Variants in AGAP1 observed in about 807,000 individuals in gnomAD.
AGAP1 encodes the protein arf-GAP with GTPase, ANK repeat and PH domain-containing protein 1.
Under a neutral mutation model 105.3 loss-of-function variants are expected in AGAP1, and 29 were observed. The observed-to-expected ratio is 0.28, with a 90% CI of 0.21 to 0.38. The LOEUF (loss-of-function observed/expected upper bound fraction) is 0.38, where lower values mean the gene tolerates loss of function less well. Among genes scored for constraint, AGAP1 ranks in the 10% least tolerant of loss-of-function variants. The pLI is 1.00. For synonymous variants in AGAP1, 509 were observed against 485.9 expected, an observed-to-expected ratio of 1.05 and a Z score of -0.63; for missense variants, 998 against 1,165.1, an observed-to-expected ratio of 0.86 and a Z score of 2.09.
At position 235,751,881 on chromosome 2, in the gene AGAP1, T is replaced by A. The variant is rs1390883647; in HGVS notation, c.673+1393T>A. 6.6e-6 allele frequency among the ~76,000 whole-genome samples: 1 copy of A among 152,194 alleles called. No individual in the cohort carries two copies. The highest frequency in any genetic ancestry group is 2.4e-5 in the African/African-American group (1 of 41,464). ...AAAGTCGCTGGGGTCCCACAGCCCC[T>A]TCTTCCCTCCACTAACGTATATCTC... On this transcript the variant is annotated intron_variant, in intron 6 of 17. Coordinates refer to ENST00000304032, the MANE Select transcript of AGAP1 (RefSeq NM_001037131.3). The surrounding 1 kb of genome is among the most constrained non-coding windows in gnomAD (Gnocchi z 5.3).
In AGAP1 at chr2:235,631,935, G is replaced by T. The variant is rs549991457; in HGVS notation, c.164-77244G>T. ...TGCTTTTTCCATCTGTTACCTGCATGCATATATGATGGCTGGCCACCATCT... is the reference window on the plus strand; with the variant it reads ...TGCTTTTTCCATCTGTTACCTGCATTCATATATGATGGCTGGCCACCATCT... On this transcript the variant is annotated intron_variant, in intron 1 of 17. Transcript: ENST00000304032. The surrounding 1 kb of genome is among the most constrained non-coding windows in gnomAD (Gnocchi z 5.4). 1.3e-5 allele frequency among the ~76,000 whole-genome samples: 2 copies of T among 152,316 alleles called. No individual in the cohort carries two copies. The highest frequency in any genetic ancestry group is 3.9e-4 in the East Asian group (2 of 5,180).
At position 235,989,440 on chromosome 2, in the gene AGAP1, A is replaced by G. The variant is rs1238660731; in HGVS notation, c.1645+20817A>G. 6.6e-6 allele frequency among the ~76,000 whole-genome samples: 1 copy of G among 152,150 alleles called. No homozygotes were observed. The highest frequency in any genetic ancestry group is 2.4e-5 in the African/African-American group (1 of 41,446). ...GAGGAGGGTCCGCAGCTCGATGGTG[A>G]TGAGTGTAGGGGAGAGGTGGGTGCT... On this transcript the variant is annotated intron_variant, in intron 13 of 17. Transcript: ENST00000304032. The surrounding 1 kb of genome is among the most constrained non-coding windows in gnomAD (Gnocchi z 4.4).
chr2:235,897,316 A>G (rs937480757), intron 10 of AGAP1, among the ~76,000 whole-genome samples: 2 of 152,232 alleles, frequency 1.3e-5, no homozygotes, highest in African/African-American at 2.4e-5. Context: ...CTGGGATTAC[A>G]GGCGTGAACC....
In AGAP1 at chr2:236,101,532, G is replaced by A. The variant is rs1304554787; in HGVS notation, c.2115-18660G>A. On this transcript the variant is annotated intron_variant, in intron 16 of 17. Coordinates refer to ENST00000304032, the MANE Select transcript of AGAP1 (RefSeq NM_001037131.3). This position sits in a 1 kb window ranked among gnomAD's most constrained non-coding sequence, Gnocchi z 4.9. ...TCCGGCCTGTCCCCGCCTCTTCCGT[G>A]TGAGAAGAGCCTTGGCTGTTCCTCT... Among the ~76,000 whole-genome samples the A allele has an allele frequency of 2.0e-5, 3 of 152,330 alleles. No individual in the cohort carries two copies. The highest frequency in any genetic ancestry group is 4.4e-5 in the Non-Finnish European group (3 of 68,036).
Position 236,044,163 on chromosome 2 carries a change from G to A in AGAP1, c.1891+3322G>A, listed in dbSNP as rs1217349754. ...AACAACGTCCGACTCCCAGGAAGTT[G>A]CAGCCTTCGGACACCTGTGCTTCCG... On this transcript the variant is annotated intron_variant, in intron 15 of 17. Coordinates refer to ENST00000304032, the MANE Select transcript of AGAP1 (RefSeq NM_001037131.3). The surrounding 1 kb of genome is among the most constrained non-coding windows in gnomAD (Gnocchi z 5.7). 1.3e-5 allele frequency among the ~76,000 whole-genome samples: 2 copies of A among 152,176 alleles called. No individual in the cohort carries two copies. Among genetic ancestry groups the A allele is most frequent in the African/African-American group, 4.8e-5 (2 of 41,444 alleles).
At chr2:235,560,720 C>T (rs1055180473) in intron 1 of AGAP1, among the ~76,000 whole-genome samples, 28 of 152,296 alleles carry the variant, frequency 1.8e-4, no homozygotes, top group African/African-American at 6.5e-4. Context: ...GGGCATACAG[C>T]CCTGCTGACA....
At chr2:235,790,744 AGTT>A (rs1392030993) in intron 6 of AGAP1, among the ~76,000 whole-genome samples, 1 of 152,104 alleles carries the variant, frequency 6.6e-6, no homozygotes, top group Non-Finnish European at 1.5e-5. Flanking sequence ...TCATTCATCC[AGTT>A]GTTGTGTGCC....
chr2:235,866,086 T>G lies in AGAP1; in HGVS notation c.1051-17259T>G, dbSNP rs1393010433. On this transcript the variant is annotated intron_variant, in intron 9 of 17. Coordinates refer to ENST00000304032, the MANE Select transcript of AGAP1 (RefSeq NM_001037131.3). This position sits in a 1 kb window ranked among gnomAD's most constrained non-coding sequence, Gnocchi z 6.1. ...GCTAAACCCTACGTCTTGCAGTATATGGGTCACTCATCCAGATTTACTTGA... is the reference window on the plus strand; with the variant it reads ...GCTAAACCCTACGTCTTGCAGTATAGGGGTCACTCATCCAGATTTACTTGA... Among the ~76,000 whole-genome samples, 2 of 152,208 alleles carry G rather than the reference T, an allele frequency of 1.3e-5. No homozygotes were observed. The highest frequency in any genetic ancestry group is 4.8e-5 in the African/African-American group (2 of 41,440).
At chr2:235,946,467 G>C (rs576587448) in intron 12 of AGAP1, among the ~76,000 whole-genome samples, 12 of 151,990 alleles carry the variant, frequency 7.9e-5, no homozygotes, top group Non-Finnish European at 1.3e-4. Flanking sequence ...CACTGTGCCC[G>C]GCCAGGCCTT....
chr2:235,754,405 A>T lies in AGAP1; in HGVS notation c.673+3917A>T, dbSNP rs998880976. On this transcript the variant is annotated intron_variant, in intron 6 of 17. Transcript: ENST00000304032. The surrounding 1 kb of genome is among the most constrained non-coding windows in gnomAD (Gnocchi z 4.6). ...CATAAAGGAAAAGCGTGTAATTTCTACATAATGTTTGGCTTGTAAATAAAA... is the reference window on the plus strand; with the variant it reads ...CATAAAGGAAAAGCGTGTAATTTCTTCATAATGTTTGGCTTGTAAATAAAA... Among the ~76,000 whole-genome samples, 1 of 151,240 alleles carries T rather than the reference A, an allele frequency of 6.6e-6. No individual in the cohort carries two copies. Among genetic ancestry groups the T allele is most frequent in the South Asian group, 2.1e-4 (1 of 4,734 alleles).
Position 235,864,544 on chromosome 2 carries a change from G to A in AGAP1, c.1051-18801G>A, listed in dbSNP as rs2049069924. On this transcript the variant is annotated intron_variant, in intron 9 of 17. Coordinates refer to ENST00000304032, the MANE Select transcript of AGAP1 (RefSeq NM_001037131.3). This position sits in a 1 kb window ranked among gnomAD's most constrained non-coding sequence, Gnocchi z 5.0. The stretch of plus-strand genomic sequence containing the variant: ...GCGGCCCCGGAGCCCCCAAACGCAG[G>A]TCAGCATGGAGGGGCAGCCTGCAGA... 6.6e-6 allele frequency among the ~76,000 whole-genome samples: 1 copy of A among 152,206 alleles called. No individual in the cohort carries two copies. Among genetic ancestry groups the A allele is most frequent in the Non-Finnish European group, 1.5e-5 (1 of 68,038 alleles).
rs186683432 is a variant in AGAP1 at position 235,858,469 on chromosome 2, C to T, written c.1051-24876C>T. ...CAAGTTGGCAAATTGATGGGCAGAA[C>T]GTATATATCCTGTTTGTACATGTTT... On this transcript the variant is annotated intron_variant, in intron 9 of 17. Coordinates refer to ENST00000304032, the MANE Select transcript of AGAP1 (RefSeq NM_001037131.3). Among the ~76,000 whole-genome samples, 911 of 152,070 alleles carry T rather than the reference C, an allele frequency of 6.0e-3. 2 individuals carry two copies. The highest frequency in any genetic ancestry group is 0.014 in the Middle Eastern group (4 of 294).
rs1232337693 is a variant in AGAP1 at position 235,737,935 on chromosome 2, C to T, written c.311-3028C>T. Among the ~76,000 whole-genome samples the T allele has an allele frequency of 6.6e-6, 1 of 152,030 alleles. No homozygotes were observed. Among genetic ancestry groups the T allele is most frequent in the Admixed American group, 6.6e-5 (1 of 15,258 alleles). ...CTTAGGGTTCATCAAGCAGGGAGGG[C>T]TTCCACATACCCTTGTATCTGGGGC... is the stretch of plus-strand genomic sequence containing the variant. On this transcript the variant is annotated intron_variant, in intron 3 of 17. Transcript: ENST00000304032. The surrounding 1 kb of genome is among the most constrained non-coding windows in gnomAD (Gnocchi z 4.5).
intron 13 of AGAP1, among the ~76,000 whole-genome samples, chr2:236,011,025 C>A (rs6431419): frequency 0.65 from 98,239 of 151,978 alleles, 32,954 homozygotes; most frequent in African/African-American, 0.82. Flanking sequence ...CCAGCCTGGG[C>A]TAACAGTGCA....
chr2:235,495,219 G>A (rs886954975), intron 1 of AGAP1, among the ~76,000 whole-genome samples: 4 of 152,090 alleles, frequency 2.6e-5, no homozygotes, highest in Non-Finnish European at 5.9e-5. Context: ...ACCAGGCCAG[G>A]CCTGGGCGTC....
Position 235,631,274 on chromosome 2 carries a change from C to T in AGAP1, c.164-77905C>T. Reference sequence around the variant, plus strand: ...CCAGGGTAACAAAAGGGTGGTGTCCCCTAAAGGCTTGGAAGGATTGAGTTA... The same window carrying T: ...CCAGGGTAACAAAAGGGTGGTGTCCTCTAAAGGCTTGGAAGGATTGAGTTA... On this transcript the variant is annotated intron_variant, in intron 1 of 17. Transcript: ENST00000304032. The surrounding 1 kb of genome is among the most constrained non-coding windows in gnomAD (Gnocchi z 5.4). 6.6e-6 allele frequency among the ~76,000 whole-genome samples: 1 copy of T among 152,108 alleles called. No individual in the cohort carries two copies. The highest frequency in any genetic ancestry group is 1.5e-5 in the Non-Finnish European group (1 of 68,028).
At chr2:235,495,603 C>T (rs554162582) in intron 1 of AGAP1, among the ~76,000 whole-genome samples, 75 of 152,344 alleles carry the variant, frequency 4.9e-4, no homozygotes, top group African/African-American at 1.8e-3. Context: ...GGCAGAATCC[C>T]CACCCGCTTC....
chr2:235,571,838 T>G (rs1944525830), intron 1 of AGAP1, among the ~76,000 whole-genome samples: 1 of 151,604 alleles, frequency 6.6e-6, no homozygotes, highest in Non-Finnish European at 1.5e-5. Flanking sequence ...GCTCAAATGG[T>G]CCTCCAATCT....
intron 14 of AGAP1, among the ~76,000 whole-genome samples, chr2:236,039,216 G>A (rs966754820): frequency 6.6e-6 from 1 of 152,178 alleles, no homozygotes; most frequent in Non-Finnish European, 1.5e-5. Context: ...AGGCTAAGGT[G>A]GGAGGATCAC....
Sources: allele counts gnomAD v4.1 joint callset (sites outside exome capture counted in the v4.1 genomes callset), GRCh38; gene constraint gnomAD v4.1.1; non-coding constraint Gnocchi (gnomAD v3.1); transcripts MANE v1.5; gene names NCBI Gene and HGNC (gene_info 2026-07-23, HGNC 2026-07-21).